DNAH2: variants seen among roughly 807,000 people sequenced by gnomAD.
The protein encoded by DNAH2 is axonemal beta dynein heavy chain 2.
DNAH2 carries 323 observed loss-of-function variants against 523.5 expected under a neutral mutation model. The ratio of observed to expected loss-of-function variants is 0.62; its 90% CI spans 0.56 to 0.68. The LOEUF (loss-of-function observed/expected upper bound fraction) is 0.68. Among genes scored for constraint, DNAH2 ranks in the 30% least tolerant of loss-of-function variants. DNAH2 has a pLI of 0.00. For missense variants in DNAH2, 4,907 were observed against 5,701.5 expected (o/e 0.86, Z 4.49); for synonymous variants, 2,093 against 2,177.4 (o/e 0.96, Z 1.08).
Position 7,792,795 on chromosome 17 carries a change from C to A in DNAH2, c.7284C>A (p.Ser2428Arg). 2 of 1,614,172 alleles carry A rather than the reference C, an allele frequency of 1.2e-6. No homozygotes were observed. Among genetic ancestry groups the A allele is most frequent in the Non-Finnish European group, 1.7e-6 (2 of 1,180,024 alleles). The change falls in exon 47 of 86, where the codon AGC becomes AGA. Residue 2428 changes from serine (S) to arginine (R), a missense_variant. Ser to Arg is a moderately radical substitution (Grantham distance 110, BLOSUM62 -1). Around this residue, in one of 3 missense-constraint regions of DNAH2, gnomAD observed 2,806 missense variants for 3,190.8 expected, o/e 0.88. Transcript: ENST00000572933. ...CTGGGAAGACCTCCATCGCCCAGAG[C>A]GTTCTGCAGTCCCTGCCCTCCAGCC... ...VGTGKTSIAQ[S>R]VLQSLPSSQW...
intron 56 of DNAH2, among the ~76,000 whole-genome samples, chr17:7,799,840 C>T (rs1327961672): frequency 6.6e-6 from 1 of 152,174 alleles, no homozygotes; most frequent in African/African-American, 2.4e-5. Flanking sequence ...CACACACACA[C>T]CCAAAATGTA....
rs1490073511 is a variant in DNAH2, at chr17:7,786,368, G to A, written c.6348+26G>A. 1.9e-6 allele frequency: 3 copies of A among 1,603,736 alleles called. No homozygotes were observed. The highest frequency in any genetic ancestry group is 2.5e-6 in the Non-Finnish European group (3 of 1,177,244). Reference sequence around the variant, plus strand: ...GTACGGGGCTGGGACAGTGGAGTCAGTGGGCAGAGACTTGAGTAGTAAGAA... The same window carrying A: ...GTACGGGGCTGGGACAGTGGAGTCAATGGGCAGAGACTTGAGTAGTAAGAA... On this transcript the variant is annotated intron_variant, in intron 40 of 85. Transcript: ENST00000572933. The surrounding 1 kb of genome is among the most constrained non-coding windows in gnomAD (Gnocchi z 7.5).
intron 2 of DNAH2, among the ~76,000 whole-genome samples, chr17:7,720,130 C>A (rs2074555676): frequency 6.6e-6 from 1 of 152,208 alleles, no homozygotes; most frequent in Admixed American, 6.5e-5. Flanking sequence ...AAATTTCCCA[C>A]AATATACCAG....
rs992469322 is a variant in DNAH2, at chr17:7,751,092, G to C, written c.1905-5999G>C. On this transcript the variant is annotated intron_variant, in intron 12 of 85. Transcript: ENST00000572933. The stretch of plus-strand genomic sequence containing the variant: ...TAAAAAGTGCAATTTTATTTTAAAA[G>C]CCCTGCAGATTAAAAAAAATCAAGT... 3.3e-5 allele frequency among the ~76,000 whole-genome samples: 5 copies of C among 151,840 alleles called. No individual in the cohort carries two copies. The South Asian group carries it at 1.0e-3, about 32-fold the overall frequency.
In DNAH2 at chr17:7,818,755, A is replaced by T. The variant is rs781508775; in HGVS notation, c.10649A>T (p.Glu3550Val). The T allele has an allele frequency of 1.2e-6, 2 of 1,614,032 alleles. No individual in the cohort carries two copies. The highest frequency in any genetic ancestry group is 2.2e-5 in the South Asian group (2 of 91,076). ...GCGGCTGGTAAAAGGAAGCTCAAGG[A>T]GCTGGAGGATGAGATCCTGCGGTGA... ...NIAAGKRKLK[E>V]LEDEILRLLN... Residue 3550 changes from glutamate to valine, a missense_variant, in exon 70 of 86, where the codon GAG becomes GTG. Around this residue, in one of 3 missense-constraint regions of DNAH2, gnomAD observed 1,851 missense variants for 2,139.4 expected, o/e 0.87. Transcript: ENST00000572933.
chr17:7,779,152 T>C, intron 35 of DNAH2, 91 bp from the exon 36 acceptor site: 1 of 1,492,254 alleles, frequency 6.7e-7, no homozygotes, highest in Non-Finnish European at 9.1e-7. Flanking sequence ...GCCTCGCCTA[T>C]TGAAACATTT....
Position 7,793,456 on chromosome 17 carries a change from T to TTTCTTTCC in DNAH2, c.7569+258_7569+259insCTTCTTTC, listed in dbSNP as rs1491504998. 7.6e-5 allele frequency among the ~76,000 whole-genome samples: 7 copies of TTTCTTTCC among 92,036 alleles called. No homozygotes were observed. The East Asian group carries it at 1.7e-3, about 22-fold the overall frequency. The allele number at this position is 92,036 out of a possible 152,430, so 60.4% of individuals were successfully genotyped here. A position where few individuals can be genotyped will look rare whatever the true frequency, so the allele number is the denominator to read the frequency against. ...CTTTTTCTTTCTTTCTTTTTCTTTC[T>TTTCTTTCC]TTCTTTCTTTCTTTCTTTCTTTCTT... On this transcript the variant is annotated intron_variant, in intron 48 of 85. Transcript: ENST00000572933.
chr17:7,721,043 C>T (rs944873695), intron 2 of DNAH2, among the ~76,000 whole-genome samples: 2 of 131,304 alleles, frequency 1.5e-5, no homozygotes, highest in African/African-American at 5.6e-5. Flanking sequence ...AATTCTCACT[C>T]TGTCTCCCAG....
rs1567729712 is a variant in DNAH2 at position 7,805,314 on chromosome 17, C to G, written c.9363C>G (p.Ala3121=). 1 of 1,614,068 alleles carries G rather than the reference C, an allele frequency of 6.2e-7. No individual in the cohort carries two copies. Among genetic ancestry groups the G allele is most frequent in the Non-Finnish European group, 8.5e-7 (1 of 1,180,044 alleles). The change falls in exon 61 of 86, where the codon GCC becomes GCG. Residue 3121 remains alanine, a synonymous_variant. Transcript: ENST00000572933. ...TCAAGTCTTATGGACGGCCCCCAGC[C>G]CAAGTGGAGATAGTGATGCAGGCAG... ...GEIKSYGRPP[A]QVEIVMQAVM... is the part of the protein sequence containing the mutation.
chr17:7,725,858 TG>T (rs2074791761), intron 3 of DNAH2, among the ~76,000 whole-genome samples: 1 of 152,122 alleles, frequency 6.6e-6, no homozygotes, highest in South Asian at 2.1e-4. Flanking sequence ...CCTGTCTATA[TG>T]TATTATAGGA....
intron 21 of DNAH2, among the ~76,000 whole-genome samples, 185 bp downstream of exon 21, chr17:7,765,750 C>T (rs539243216): frequency 2.6e-5 from 4 of 151,514 alleles, no homozygotes; most frequent in Non-Finnish European, 4.4e-5. Flanking sequence ...GGGTAGACAG[C>T]GGCGCAGCTC....
intron 21 of DNAH2, 125 bp from the exon 22 acceptor site, chr17:7,766,193 T>C: frequency 9.6e-7 from 1 of 1,036,670 alleles, no homozygotes; most frequent in African/African-American, 1.6e-5. Context: ...TCCCTCTTAC[T>C]CTCCTTCCCT....
chr17:7,751,918 G>GA (rs1555544345), intron 12 of DNAH2, among the ~76,000 whole-genome samples: 2 of 46,650 alleles, frequency 4.3e-5, no homozygotes, highest in African/African-American at 3.6e-4. Context: ...GAATAGTTGT[G>GA]GGGTGTGTGT....
chr17:7,818,689 C>G lies in DNAH2; in HGVS notation c.10583C>G (p.Pro3528Arg), dbSNP rs772577091. 1.9e-6 allele frequency: 3 copies of G among 1,614,084 alleles called. No homozygotes were observed. The highest frequency in any genetic ancestry group is 1.7e-6 in the Non-Finnish European group (2 of 1,180,008). Reference sequence around the variant, plus strand: ...GGCATTGTGGTGCGGAAGGAGCGGCCTGAGCTGGAGGAGCAGAAGGACTCA... The same window carrying G: ...GGCATTGTGGTGCGGAAGGAGCGGCGTGAGCTGGAGGAGCAGAAGGACTCA... ...LLGIVVRKER[P>R]ELEEQKDSLV... is the part of the protein sequence containing the mutation. The change falls in exon 70 of 86, where the codon CCT (proline) becomes CGT (arginine). Residue 3528 changes from proline to arginine, a missense_variant. Pro to Arg is a moderately radical substitution (Grantham distance 103, BLOSUM62 -2). Transcript: ENST00000572933.
At chr17:7,825,378 T>C (rs928465825) in intron 77 of DNAH2, among the ~76,000 whole-genome samples, 8 of 152,244 alleles carry the variant, frequency 5.3e-5, no homozygotes, top group Non-Finnish European at 1.0e-4. Context: ...GAAAAGCACA[T>C]GGACCAGTAT....
At chr17:7,808,603 C>T (rs2077431071) in intron 63 of DNAH2, among the ~76,000 whole-genome samples, 3 of 152,142 alleles carry the variant, frequency 2.0e-5, no homozygotes, top group South Asian at 4.1e-4. Context: ...ACCTTCTGTT[C>T]TCTAGTCACC....
chr17:7,738,213 T>C (rs839722), intron 8 of DNAH2: 351 of 657,436 alleles, frequency 5.3e-4, no homozygotes, highest in African/African-American at 2.9e-3. Context: ...ACACTTTGTT[T>C]AGCCTCTTGG....
chr17:7,718,714 G>A lies in DNAH2; in HGVS notation c.-100G>A, dbSNP rs2074498612. ...CTGACTGATCTTAACCATTAGCACA[G>A]AGTTCCTCAGCCAACTCTGCTAAGA... On this transcript the variant is annotated 5_prime_UTR_variant, in exon 1 of 86. Transcript: ENST00000572933. The A allele has an allele frequency of 6.5e-6, 1 of 152,732 alleles. No homozygotes were observed. Among genetic ancestry groups the A allele is most frequent in the Non-Finnish European group, 1.5e-5 (1 of 68,072 alleles). The allele number at this position is 152,732 out of a possible 1,614,324, so 9.5% of individuals were successfully genotyped here.
At position 7,776,227 on chromosome 17, in the gene DNAH2, A is replaced by T. The variant is rs888242989; in HGVS notation, c.4947+78A>T. On this transcript the variant is annotated intron_variant, in intron 31 of 85. Transcript: ENST00000572933. Reference sequence around the variant, plus strand: ...ACGCCTGTAATCCCAGCACTTTGGGAGGCCGAGGTGGGCAGATCACTTGAG... The same window carrying T: ...ACGCCTGTAATCCCAGCACTTTGGGTGGCCGAGGTGGGCAGATCACTTGAG... 6 of 1,527,594 alleles carry T rather than the reference A, an allele frequency of 3.9e-6. No individual in the cohort carries two copies. The African/African-American group carries it at 6.9e-5, about 17-fold the overall frequency. The allele number at this position is 1,527,594 out of a possible 1,614,324, so 94.6% of individuals were successfully genotyped here. A position where few individuals can be genotyped will look rare whatever the true frequency, so the allele number is the denominator to read the frequency against.
Sources: allele counts gnomAD v4.1 joint callset (sites outside exome capture counted in the v4.1 genomes callset), GRCh38; gene constraint gnomAD v4.1.1; regional missense constraint gnomAD v4.1.1; non-coding constraint Gnocchi (gnomAD v3.1); transcripts MANE v1.5; gene names NCBI Gene and HGNC (gene_info 2026-07-23, HGNC 2026-07-21).